SH3RF3: variants seen among roughly 807,000 people sequenced by gnomAD.
The protein encoded by SH3RF3 is SH3 domain containing ring finger 3.
A neutral mutation model predicts 66.3 loss-of-function variants in SH3RF3; 29 were observed. The observed-to-expected ratio is 0.44, with a 90% CI of 0.33 to 0.60. SH3RF3 has a LOEUF of 0.60. Ranked by LOEUF, SH3RF3 falls within the 20% of genes least tolerant of loss-of-function variation. The pLI is 0.04. For synonymous variants in SH3RF3, 583 were observed against 532.0 expected (o/e 1.10, Z -1.32); for missense variants, 1,194 against 1,190.9 (o/e 1.00, Z -0.04).
At chr2:109,466,485 T>C (rs1020577124) in intron 8 of SH3RF3, among the ~76,000 whole-genome samples, 14 of 152,250 alleles carry the variant, frequency 9.2e-5, no homozygotes, top group African/African-American at 3.1e-4. Flanking sequence ...ATTTTAGATA[T>C]ACCACAGTGG....
intron 1 of SH3RF3, among the ~76,000 whole-genome samples, chr2:109,260,046 G>T (rs2105287012): frequency 6.6e-6 from 1 of 152,218 alleles, no homozygotes; most frequent in East Asian, 1.9e-4. Context: ...TTTGGTGGAG[G>T]GTTATTTGTG....
chr2:109,472,135 A>G (rs755873960), intron 8 of SH3RF3, among the ~76,000 whole-genome samples: 1 of 152,252 alleles, frequency 6.6e-6, no homozygotes, highest in Non-Finnish European at 1.5e-5. Flanking sequence ...AATATGATTA[A>G]CAACCACCTG....
chr2:109,480,032 TG>T (rs761993025), intron 8 of SH3RF3, among the ~76,000 whole-genome samples: 6 of 152,206 alleles, frequency 3.9e-5, no homozygotes, highest in Non-Finnish European at 8.8e-5. Flanking sequence ...GTTTCAACCC[TG>T]CTGTGGGTTG....
chr2:109,250,645 A>G (rs1292795682), intron 1 of SH3RF3, among the ~76,000 whole-genome samples: 1 of 152,060 alleles, frequency 6.6e-6, no homozygotes, highest in African/African-American at 2.4e-5. Flanking sequence ...CTAAATTTAG[A>G]AAACTATTGA....
At chr2:109,143,946 G>T (rs1202455898) in intron 1 of SH3RF3, among the ~76,000 whole-genome samples, 1 of 152,194 alleles carries the variant, frequency 6.6e-6, no homozygotes, top group African/African-American at 2.4e-5. Flanking sequence ...ACAAGCCACA[G>T]ACACAGAAAG....
At chr2:109,246,495 A>G (rs544790909) in intron 1 of SH3RF3, among the ~76,000 whole-genome samples, 1 of 152,252 alleles carries the variant, frequency 6.6e-6, no homozygotes, top group African/African-American at 2.4e-5. Flanking sequence ...GATTTAACAT[A>G]TGACTTTTAG....
chr2:109,249,498 TTTCTTTCTTTCA>T (rs1256538219), intron 1 of SH3RF3, among the ~76,000 whole-genome samples: 1,209 of 28,044 alleles, frequency 0.043, 23 homozygotes, highest in Admixed American at 0.049. Flanking sequence ...TCTTTCTTTC[TTTCTTTCTTTCA>T]TTCTTTCTTT....
intron 1 of SH3RF3, among the ~76,000 whole-genome samples, chr2:109,134,042 C>T (rs913150330): frequency 1.2e-4 from 19 of 152,096 alleles, no homozygotes; most frequent in African/African-American, 3.9e-4. Flanking sequence ...CTTTGGGTCT[C>T]GACAGTTGAA....
At chr2:109,399,238 G>A (rs771690326) in intron 4 of SH3RF3, among the ~76,000 whole-genome samples, 4 of 152,292 alleles carry the variant, frequency 2.6e-5, no homozygotes, top group African/African-American at 7.2e-5. Flanking sequence ...GCTTTTCCCC[G>A]TGTCAGTCGG....
At chr2:109,463,437 G>C (rs1305031594) in intron 8 of SH3RF3, among the ~76,000 whole-genome samples, 1 of 152,212 alleles carries the variant, frequency 6.6e-6, no homozygotes, top group African/African-American at 2.4e-5. Context: ...AGTTCCCACT[G>C]TAAGGTCCGG....
chr2:109,246,772 G>A (rs1339523851), intron 1 of SH3RF3, among the ~76,000 whole-genome samples: 1 of 152,230 alleles, frequency 6.6e-6, no homozygotes, highest in Non-Finnish European at 1.5e-5. Context: ...ACCTGAGCCT[G>A]GAGAGCCTCG....
At chr2:109,461,822 G>A (rs1044614496) in intron 8 of SH3RF3, among the ~76,000 whole-genome samples, 1 of 152,128 alleles carries the variant, frequency 6.6e-6, no homozygotes, top group Non-Finnish European at 1.5e-5. Context: ...GCCTTTTTTT[G>A]TTCTAGGTCC....
chr2:109,251,492 G>A (rs1680090524), intron 1 of SH3RF3: 3 of 740,884 alleles, frequency 4.0e-6, no homozygotes, highest in Admixed American at 1.7e-5. Context: ...TTAAATGGTG[G>A]CAGACATGTC....
intron 1 of SH3RF3, among the ~76,000 whole-genome samples, chr2:109,343,759 C>G (rs1002893134): frequency 8.5e-6 from 1 of 117,490 alleles, no homozygotes; most frequent in Non-Finnish European, 1.9e-5. Flanking sequence ...TTTTTTTTTT[C>G]TTAGACACAG....
At chr2:109,405,425 T>C (rs1489092035) in intron 4 of SH3RF3, among the ~76,000 whole-genome samples, 1 of 152,170 alleles carries the variant, frequency 6.6e-6, no homozygotes, top group Non-Finnish European at 1.5e-5. Flanking sequence ...GCCTTCAGAC[T>C]GGCCCTTGGT....
chr2:109,478,478 ATCT>A (rs1678748954), intron 8 of SH3RF3, among the ~76,000 whole-genome samples: 1 of 152,216 alleles, frequency 6.6e-6, no homozygotes, highest in South Asian at 2.1e-4. Flanking sequence ...GTATTCAGTT[ATCT>A]AGATGTCTTC....
intron 8 of SH3RF3, among the ~76,000 whole-genome samples, chr2:109,464,375 TATAC>T (rs1678283484): frequency 1.3e-5 from 2 of 152,258 alleles, no homozygotes; most frequent in African/African-American, 4.8e-5. Context: ...TATTTATGTA[TATAC>T]ATCTACATGA....
At chr2:109,212,631 A>G (rs993075050) in intron 1 of SH3RF3, among the ~76,000 whole-genome samples, 2 of 152,200 alleles carry the variant, frequency 1.3e-5, no homozygotes, top group Non-Finnish European at 2.9e-5. Context: ...ATCTTTGTCA[A>G]TGTTTCTTCT....
At chr2:109,371,506 A>G (rs1683270111) in intron 2 of SH3RF3, 80 bp from the exon 3 acceptor site, 1 of 1,175,142 alleles carries the variant, frequency 8.5e-7, no homozygotes, top group African/African-American at 1.5e-5. Context: ...GAGCCTCCAC[A>G]GTACTAACCA....
Sources: allele counts gnomAD v4.1 joint callset (sites outside exome capture counted in the v4.1 genomes callset), GRCh38; gene constraint gnomAD v4.1.1; transcripts MANE v1.5; gene names NCBI Gene and HGNC (gene_info 2026-07-23, HGNC 2026-07-21).